Variants in POGLUT1 observed in about 807,000 individuals in gnomAD.
The protein encoded by POGLUT1 is 9630046K23Rik.
Under a neutral mutation model 61.3 loss-of-function variants are expected in POGLUT1, and 32 were observed. The observed-to-expected ratio is 0.52, with a 90% CI of 0.39 to 0.70. The LOEUF is 0.70. Ranked by LOEUF, POGLUT1 falls within the 30% of genes least tolerant of loss-of-function variation. The pLI, the probability that POGLUT1 is intolerant of heterozygous loss-of-function variation, is 0.00. For missense variants in POGLUT1, 411 were observed against 469.8 expected, an observed-to-expected ratio of 0.87 and a Z score of 1.16; for synonymous variants, 158 against 158.2, an observed-to-expected ratio of 1.00 and a Z score of 0.01.
At chr3:119,483,512 A>T (rs1270789121) in intron 5 of POGLUT1, among the ~76,000 whole-genome samples, 1 of 152,218 alleles carries the variant, frequency 6.6e-6, no homozygotes, top group Admixed American at 6.5e-5. Context: ...ACCTCTTAAG[A>T]TTGTGAGAAT....
In POGLUT1 at chr3:119,494,281, C is replaced by T. The variant is rs1468178368; in HGVS notation, c.*1843C>T. The T allele has an allele frequency of 6.6e-6, 1 of 152,368 alleles. No individual in the cohort carries two copies. The highest frequency in any genetic ancestry group is 1.5e-5 in the Non-Finnish European group (1 of 68,062). The allele number at this position is 152,368 out of a possible 1,614,324, so 9.4% of individuals were successfully genotyped here. A position where few individuals can be genotyped will look rare whatever the true frequency, so the allele number is the denominator to read the frequency against. On this transcript the variant is annotated 3_prime_UTR_variant, in exon 11 of 11. Transcript: ENST00000295588. ...CCAGCACAGTGCCTCACACAAAGAA[C>T]TATTGGGTGGGTGGATGGATGGATG...
At chr3:119,484,409 T>G (rs1439169596) in intron 5 of POGLUT1, among the ~76,000 whole-genome samples, 1 of 152,206 alleles carries the variant, frequency 6.6e-6, no homozygotes, top group East Asian at 1.9e-4. Flanking sequence ...GGAGGGTTCC[T>G]ACGAAGCAAG....
chr3:119,476,392 G>A (rs2081538134), intron 3 of POGLUT1, among the ~76,000 whole-genome samples: 2 of 150,112 alleles, frequency 1.3e-5, no homozygotes, highest in South Asian at 4.2e-4. Flanking sequence ...CTTTTCCTAT[G>A]TTTGTGAACT....
chr3:119,488,999 A>C lies in POGLUT1; in HGVS notation c.797+12A>C. 6.6e-7 allele frequency: 1 copy of C among 1,516,072 alleles called. No individual in the cohort carries two copies. The highest frequency in any genetic ancestry group is 2.3e-5 in the East Asian group (1 of 43,810). The allele number at this position is 1,516,072 out of a possible 1,614,324, so 93.9% of individuals were successfully genotyped here. ...CACTGCAAATACAAGTAAGATTTGC[A>C]GGACTCCTCACTTTCTTGGTTTCCA... On this transcript the variant is annotated intron_variant, in intron 8 of 10. Transcript: ENST00000295588.
chr3:119,471,627 T>C, intron 3 of POGLUT1, 175 bp downstream of exon 3: 2 of 606,710 alleles, frequency 3.3e-6, no homozygotes, highest in Non-Finnish European at 5.9e-6. Flanking sequence ...TGCGAGCTCC[T>C]CTCAAAGCCT....
rs186843053 is a variant in POGLUT1, at chr3:119,475,175, C to T, written c.321-2138C>T. Among the ~76,000 whole-genome samples the T allele has an allele frequency of 7.9e-5, 12 of 152,316 alleles. No individual in the cohort carries two copies. In the East Asian group the frequency reaches 1.7e-3, roughly 22 times the overall value. The stretch of plus-strand genomic sequence containing the variant: ...TATATCCTTCTAGAAATAGTCTGTA[C>T]ATTTACAAGCATCTAGACTCATCAA... On this transcript the variant is annotated intron_variant, in intron 3 of 10. Transcript: ENST00000295588.
At chr3:119,476,255 T>G (rs912390978) in intron 3 of POGLUT1, among the ~76,000 whole-genome samples, 2 of 152,230 alleles carry the variant, frequency 1.3e-5, no homozygotes, top group African/African-American at 4.8e-5. Flanking sequence ...ATATATCATA[T>G]GCTGTGAATA....
intron 5 of POGLUT1, among the ~76,000 whole-genome samples, chr3:119,482,646 T>C (rs2081619702): frequency 6.6e-6 from 1 of 152,220 alleles, no homozygotes; most frequent in South Asian, 2.1e-4. Context: ...TACAATTTTG[T>C]TTTTTAGAAC....
At chr3:119,479,954 C>G (rs931888867) in intron 4 of POGLUT1, 97 bp from the exon 5 acceptor site, 2 of 1,589,230 alleles carry the variant, frequency 1.3e-6, no homozygotes, top group African/African-American at 2.7e-5. Flanking sequence ...CAATGTGACA[C>G]TAAACCAAGG....
At chr3:119,471,531 A>G (rs2081474541) in intron 3 of POGLUT1, 79 bp downstream of exon 3, 1 of 1,262,168 alleles carries the variant, frequency 7.9e-7, no homozygotes, top group Non-Finnish European at 1.2e-6. Context: ...GAGCCAATTC[A>G]TGGGACTAAC....
At position 119,494,284 on chromosome 3, in the gene POGLUT1, T is replaced by C. The variant is rs1469548481; in HGVS notation, c.*1846T>C. 6.6e-6 allele frequency: 1 copy of C among 152,252 alleles called. No homozygotes were observed. Among genetic ancestry groups the C allele is most frequent in the Non-Finnish European group, 1.5e-5 (1 of 68,048 alleles). The allele number at this position is 152,252 out of a possible 1,614,324, so 9.4% of individuals were successfully genotyped here. On this transcript the variant is annotated 3_prime_UTR_variant, in exon 11 of 11. Transcript: ENST00000295588. ...GCACAGTGCCTCACACAAAGAACTA[T>C]TGGGTGGGTGGATGGATGGATGGAG...
At chr3:119,479,820 G>A in intron 4 of POGLUT1, 1 of 997,258 alleles carries the variant, frequency 1.0e-6, no homozygotes, top group Non-Finnish European at 1.4e-6. Flanking sequence ...AACTGAAAAA[G>A]CTGACCTTTA....
chr3:119,477,006 A>G (rs1460454763), intron 3 of POGLUT1, among the ~76,000 whole-genome samples: 1 of 152,238 alleles, frequency 6.6e-6, no homozygotes, highest in Non-Finnish European at 1.5e-5. Flanking sequence ...GGAAATAAAG[A>G]AAAGAACTGG....
In POGLUT1 at chr3:119,469,048, T is replaced by A. The variant is rs765916576; in HGVS notation, c.27T>A (p.Leu9=). MEWWASSP[L]RLWLLLFLLP... Reference sequence around the variant, plus strand: ...TGGAGTGGTGGGCTAGCTCGCCGCTTCGGCTCTGGCTGCTGTTGTTCCTCC... The same window carrying A: ...TGGAGTGGTGGGCTAGCTCGCCGCTACGGCTCTGGCTGCTGTTGTTCCTCC... The change falls in exon 1 of 11, where the codon CTT becomes CTA. Residue 9 remains leucine, a synonymous_variant. Coordinates refer to ENST00000295588, the MANE Select transcript of POGLUT1 (RefSeq NM_152305.3). 12 of 1,609,464 alleles carry A rather than the reference T, an allele frequency of 7.5e-6. No individual in the cohort carries two copies. The highest frequency in any genetic ancestry group is 1.0e-5 in the Non-Finnish European group (12 of 1,179,002).
chr3:119,469,274 C>G, intron 1 of POGLUT1, 168 bp downstream of exon 1: 1 of 631,182 alleles, frequency 1.6e-6, no homozygotes, highest in Non-Finnish European at 2.8e-6. Context: ...GTGCCGGGGT[C>G]TCTGCTCCTG....
Position 119,488,944 on chromosome 3 carries a change from C to A in POGLUT1, c.754C>A (p.Pro252Thr), listed in dbSNP as rs1047644819. 1 of 1,589,972 alleles carries A rather than the reference C, an allele frequency of 6.3e-7. No individual in the cohort carries two copies. Among genetic ancestry groups the A allele is most frequent in the South Asian group, 1.1e-5 (1 of 89,814 alleles). ...CCACTTAAAGGATACCTTAGGAAAG[C>A]CAGCTGCTAAGGATGTCCATCTTGT... ...WKSMKDTLGKPAAKDVHLVDH... is the reference protein window; with the variant it reads ...WKSMKDTLGKTAAKDVHLVDH... Residue 252 changes from proline to threonine, a missense_variant, in exon 8 of 11, where the codon CCA becomes ACA. By Grantham distance (38) the Pro-to-Thr change is conservative. Coordinates refer to ENST00000295588, the MANE Select transcript of POGLUT1 (RefSeq NM_152305.3).
chr3:119,488,357 G>A (rs555346952), intron 7 of POGLUT1: 1 of 152,234 alleles, frequency 6.6e-6, no homozygotes, highest in South Asian at 2.1e-4. Flanking sequence ...GTCAAGAGGT[G>A]AGCAAGAGAG....
chr3:119,480,171 A>G lies in POGLUT1; in HGVS notation c.577A>G (p.Arg193Gly). The change falls in exon 5 of 11, where the codon AGG (arginine) becomes GGG (glycine). Residue 193 changes from arginine to glycine, a missense_variant and splice_region_variant. By Grantham distance (125) the Arg-to-Gly change is moderately radical. Coordinates refer to ENST00000295588, the MANE Select transcript of POGLUT1 (RefSeq NM_152305.3). ...RWDLFREDLV[R>G]SAAQWPWKKK... ...GGACCTCTTCAGAGAAGATCTGGTA[A>G]GGTAGGTCCTTTAAAGAGGTTTTAT... 1 of 1,558,682 alleles carries G rather than the reference A, an allele frequency of 6.4e-7. No individual in the cohort carries two copies. Among genetic ancestry groups the G allele is most frequent in the Non-Finnish European group, 8.7e-7 (1 of 1,155,782 alleles).
intron 1 of POGLUT1, 133 bp from the exon 2 acceptor site, chr3:119,469,687 C>T (rs866439413): frequency 4.9e-6 from 3 of 615,786 alleles, no homozygotes; most frequent in African/African-American, 3.7e-5. Context: ...TCCTCCCTAG[C>T]GTTTCGTTTC....
Sources: gnomAD v4.1 joint callset for allele counts (sites outside exome capture counted in the v4.1 genomes callset) on GRCh38, gnomAD v4.1.1 for gene constraint, MANE v1.5 for transcripts, NCBI Gene and HGNC (gene_info 2026-07-23, HGNC 2026-07-21) for gene names.